DLG2: variants seen among roughly 807,000 people sequenced by gnomAD.
DLG2 encodes the protein discs large MAGUK scaffold protein 2.
A neutral mutation model predicts 132.5 loss-of-function variants in DLG2; 45 were observed. That is an observed-to-expected ratio of 0.34 (90% confidence interval 0.27 to 0.44). The LOEUF is 0.44. Ranked by LOEUF, DLG2 falls within the 20% of genes least tolerant of loss-of-function variation. DLG2 has a pLI of 1.00. For synonymous variants in DLG2, 424 were observed against 419.6 expected (o/e 1.01, Z -0.13); for missense variants, 1,045 against 1,196.9 (o/e 0.87, Z 1.87).
chr11:83,642,069 A>G (rs897856615), intron 18 of DLG2, among the ~76,000 whole-genome samples: 6 of 152,302 alleles, frequency 3.9e-5, no homozygotes, highest in African/African-American at 7.2e-5. Context: ...AAGAGGATGT[A>G]TGCACCTATC....
chr11:84,222,565 A>G (rs1028963910), intron 8 of DLG2, among the ~76,000 whole-genome samples: 6 of 152,174 alleles, frequency 3.9e-5, no homozygotes, highest in African/African-American at 7.2e-5. Context: ...CTGAGCAGGA[A>G]ATTTTACAAA....
At chr11:83,600,385 T>C in intron 19 of DLG2, among the ~76,000 whole-genome samples, 1 of 152,170 alleles carries the variant, frequency 6.6e-6, no homozygotes, top group East Asian at 1.9e-4. Context: ...TGAGAAATTT[T>C]ATACATCTCC....
At chr11:85,392,729 C>T (rs750324369) in intron 3 of DLG2, among the ~76,000 whole-genome samples, 1 of 152,044 alleles carries the variant, frequency 6.6e-6, no homozygotes, top group Non-Finnish European at 1.5e-5. Context: ...AAAAGGACAC[C>T]CTATTCAACA....
chr11:84,947,772 G>T (rs144662011), intron 6 of DLG2, among the ~76,000 whole-genome samples: 2,999 of 152,240 alleles, frequency 0.02, 54 homozygotes, highest in Admixed American at 0.043. Context: ...ATTTACCAGG[G>T]TTAGTTCTGG....
intron 4 of DLG2, among the ~76,000 whole-genome samples, chr11:85,238,178 T>C (rs897607162): frequency 2.7e-5 from 4 of 149,880 alleles, no homozygotes; most frequent in African/African-American, 7.3e-5. Context: ...TCCTATTATC[T>C]TAACTTTTTT....
In DLG2 at chr11:84,582,664, C is replaced by T. The variant is rs187109994; in HGVS notation, c.358-47933G>A. On this transcript the variant is annotated intron_variant, in intron 6 of 27. Coordinates refer to ENST00000376104, the MANE Select transcript of DLG2 (RefSeq NM_001142699.3). The stretch of plus-strand genomic sequence containing the variant: ...AATTGTGTATATTTGTATATATTAA[C>T]ATCTATAGCTCTATCTATATGTCTA... Among the ~76,000 whole-genome samples the T allele has an allele frequency of 4.6e-5, 7 of 151,938 alleles. No individual in the cohort carries two copies. In the East Asian group the frequency reaches 1.2e-3, roughly 25 times the overall value.
intron 6 of DLG2, among the ~76,000 whole-genome samples, chr11:84,617,804 T>C (rs965687900): frequency 2.0e-5 from 3 of 152,120 alleles, no homozygotes; most frequent in African/African-American, 7.2e-5. Flanking sequence ...AGGACTCTTC[T>C]GGAAACCTAA....
chr11:84,120,034 G>A (rs1216368922), intron 9 of DLG2, among the ~76,000 whole-genome samples: 1 of 152,194 alleles, frequency 6.6e-6, no homozygotes, highest in Non-Finnish European at 1.5e-5. Context: ...GAATTGGCTT[G>A]ATGCCTGAAC....
intron 6 of DLG2, among the ~76,000 whole-genome samples, chr11:84,811,447 T>C (rs2076547518): frequency 6.6e-6 from 1 of 152,144 alleles, no homozygotes; most frequent in Non-Finnish European, 1.5e-5. Context: ...CCTTTGGATA[T>C]GAGAGTGCCA....
At chr11:83,510,830 GTTTT>G (rs566973328) in intron 21 of DLG2, among the ~76,000 whole-genome samples, 2 of 88,776 alleles carry the variant, frequency 2.3e-5, no homozygotes, top group African/African-American at 4.5e-5. Context: ...TGAACCATCC[GTTTT>G]TTTTTTTTTT....
At chr11:85,393,627 ATATG>A (rs1348553217) in intron 3 of DLG2, among the ~76,000 whole-genome samples, 3 of 101,714 alleles carry the variant, frequency 2.9e-5, no homozygotes. Flanking sequence ...TATGGTATGC[ATATG>A]TGTGTGTGTG....
intron 7 of DLG2, among the ~76,000 whole-genome samples, chr11:84,294,764 C>T (rs529783064): frequency 1.3e-5 from 2 of 151,990 alleles, no homozygotes; most frequent in African/African-American, 2.4e-5. Flanking sequence ...GATAGAACTG[C>T]GGTAGCCACA....
At chr11:83,995,100 T>C (rs191669874) in intron 11 of DLG2, among the ~76,000 whole-genome samples, 2 of 151,614 alleles carry the variant, frequency 1.3e-5, no homozygotes, top group Admixed American at 1.3e-4. Context: ...TACATAGGAA[T>C]GGGGGTTAAG....
chr11:83,620,135 A>G (rs1420101632), intron 19 of DLG2, among the ~76,000 whole-genome samples: 1 of 152,184 alleles, frequency 6.6e-6, no homozygotes, highest in African/African-American at 2.4e-5. Context: ...GTTTGAAAGG[A>G]CATGTCTGCC....
At chr11:84,694,403 C>G (rs770683767) in intron 6 of DLG2, among the ~76,000 whole-genome samples, 3 of 151,584 alleles carry the variant, frequency 2.0e-5, no homozygotes, top group Non-Finnish European at 4.4e-5. Flanking sequence ...TGTAAGAAAA[C>G]TACATTGTAA....
chr11:83,687,424 T>TA (rs1338978030), intron 18 of DLG2, among the ~76,000 whole-genome samples: 1 of 152,132 alleles, frequency 6.6e-6, no homozygotes, highest in African/African-American at 2.4e-5. Flanking sequence ...CGGTGGTTCT[T>TA]AGACACTGGT....
intron 6 of DLG2, among the ~76,000 whole-genome samples, chr11:84,780,051 C>T (rs978504606): frequency 2.6e-5 from 4 of 152,018 alleles, no homozygotes; most frequent in Admixed American, 2.6e-4. Flanking sequence ...CAGTATCATC[C>T]TGATACCAAA....
At chr11:84,667,285 G>C (rs1466521581) in intron 6 of DLG2, among the ~76,000 whole-genome samples, 1 of 151,994 alleles carries the variant, frequency 6.6e-6, no homozygotes, top group Non-Finnish European at 1.5e-5. Context: ...TGCATGTCTT[G>C]TGAGAGACAA....
rs571956500 is a variant in DLG2 at position 83,733,457 on chromosome 11, G to T, written c.1825+53233C>A. 1.2e-4 allele frequency among the ~76,000 whole-genome samples: 18 copies of T among 152,178 alleles called. No individual in the cohort carries two copies. The South Asian group carries it at 2.7e-3, about 23-fold the overall frequency. ...TGCATAAAGATTAACTAATGTATTTGGTATTTGATTTTCAGTCTCTAGCAC... is the reference window on the plus strand; with the variant it reads ...TGCATAAAGATTAACTAATGTATTTTGTATTTGATTTTCAGTCTCTAGCAC... On this transcript the variant is annotated intron_variant, in intron 18 of 27. Transcript: ENST00000376104.
Sources: allele counts gnomAD v4.1 joint callset (sites outside exome capture counted in the v4.1 genomes callset), GRCh38; gene constraint gnomAD v4.1.1; transcripts MANE v1.5; gene names NCBI Gene and HGNC (gene_info 2026-07-23, HGNC 2026-07-21).